Variants in PREX2 observed in about 807,000 individuals in gnomAD.
PREX2 encodes the protein phosphatidylinositol 3,4,5-trisphosphate-dependent Rac exchanger 2 protein.
PREX2 carries 107 observed loss-of-function variants against 203.2 expected under a neutral mutation model. That is an observed-to-expected ratio of 0.53 (90% confidence interval 0.45 to 0.62). The LOEUF is 0.62. Ranked by LOEUF, PREX2 falls within the 20% of genes least tolerant of loss-of-function variation. The pLI is 0.00. For synonymous variants in PREX2, 672 were observed against 663.6 expected, an observed-to-expected ratio of 1.01 and a Z score of -0.19; for missense variants, 1,777 against 1,955.9, an observed-to-expected ratio of 0.91 and a Z score of 1.72.
intron 31 of PREX2, among the ~76,000 whole-genome samples, chr8:68,130,487 C>T (rs1429988167): frequency 6.6e-6 from 1 of 152,180 alleles, no homozygotes; most frequent in Non-Finnish European, 1.5e-5. Context: ...TGAGCACCTA[C>T]TCAGTGCCAG....
chr8:68,083,069 A>C (rs1340891821), intron 17 of PREX2, among the ~76,000 whole-genome samples, 171 bp from the exon 18 acceptor site: 1 of 152,218 alleles, frequency 6.6e-6, no homozygotes, highest in African/African-American at 2.4e-5. Context: ...AAAGAGAATG[A>C]TAACTGTGTT....
intron 10 of PREX2, among the ~76,000 whole-genome samples, chr8:68,060,473 G>T (rs898906977): frequency 1.3e-5 from 2 of 152,214 alleles, no homozygotes; most frequent in African/African-American, 4.8e-5. Context: ...ATGTCAGAAT[G>T]TACAGACATG....
At chr8:67,967,263 A>C (rs1805803517) in intron 1 of PREX2, among the ~76,000 whole-genome samples, 1 of 152,182 alleles carries the variant, frequency 6.6e-6, no homozygotes, top group Non-Finnish European at 1.5e-5. Context: ...AAGTTAATAG[A>C]ACAGATTAGA....
Position 68,038,301 on chromosome 8 carries a change from C to T in PREX2, c.839+9C>T, listed in dbSNP as rs2129610724. The T allele has an allele frequency of 6.2e-7, 1 of 1,613,236 alleles. No homozygotes were observed. Among genetic ancestry groups the T allele is most frequent in the South Asian group, 1.1e-5 (1 of 91,018 alleles). On this transcript the variant is annotated intron_variant, in intron 7 of 39. Coordinates refer to ENST00000288368, the MANE Select transcript of PREX2 (RefSeq NM_024870.4). ...TGCAAAAGAAAACACAGGTAAGATCCTAAGCAGGACACACTTCAGAAGTGG... is the reference window on the plus strand; with the variant it reads ...TGCAAAAGAAAACACAGGTAAGATCTTAAGCAGGACACACTTCAGAAGTGG...
chr8:68,067,088 T>C (rs998342252), intron 11 of PREX2, among the ~76,000 whole-genome samples: 6 of 152,142 alleles, frequency 3.9e-5, no homozygotes, highest in African/African-American at 1.4e-4. Context: ...TCCATTGGTC[T>C]ATATGTCCAG....
intron 3 of PREX2, among the ~76,000 whole-genome samples, chr8:68,021,668 A>G (rs1299321271): frequency 4.6e-5 from 7 of 152,220 alleles, no homozygotes; most frequent in African/African-American, 7.2e-5. Flanking sequence ...TTTCTTCTAC[A>G]TACATTCCTT....
intron 3 of PREX2, 61 bp from the exon 4 acceptor site, chr8:68,021,975 A>G (rs1453279908): frequency 1.8e-5 from 15 of 818,246 alleles, no homozygotes; most frequent in Non-Finnish European, 2.6e-5. Context: ...AGCATATCAC[A>G]TAGGTTAAAA....
intron 1 of PREX2, among the ~76,000 whole-genome samples, chr8:67,969,897 A>G (rs1035705247): frequency 6.6e-6 from 1 of 152,206 alleles, no homozygotes; most frequent in Non-Finnish European, 1.5e-5. Flanking sequence ...TGCTACAAAC[A>G]AAAGGAAGAG....
intron 18 of PREX2, among the ~76,000 whole-genome samples, chr8:68,085,952 A>G (rs1809675108): frequency 6.6e-6 from 1 of 152,174 alleles, no homozygotes; most frequent in Admixed American, 6.6e-5. Flanking sequence ...CTCATTCGTA[A>G]TATATAGAAG....
chr8:68,125,761 TA>T (rs1000442608), intron 30 of PREX2, among the ~76,000 whole-genome samples: 1 of 152,114 alleles, frequency 6.6e-6, no homozygotes, highest in African/African-American at 2.4e-5. Flanking sequence ...CTAAATCTCA[TA>T]TTTTTTTTAG....
intron 34 of PREX2, among the ~76,000 whole-genome samples, chr8:68,156,831 T>C (rs1238207701): frequency 6.6e-6 from 1 of 152,180 alleles, no homozygotes; most frequent in Non-Finnish European, 1.5e-5. Flanking sequence ...CTCTTCCTAG[T>C]ACAGAGGGGG....
At chr8:68,009,205 A>G (rs1238798031) in intron 1 of PREX2, among the ~76,000 whole-genome samples, 1 of 152,128 alleles carries the variant, frequency 6.6e-6, no homozygotes, top group Non-Finnish European at 1.5e-5. Context: ...TTTCCTTTTC[A>G]TCGGAACTGC....
chr8:68,126,550 G>T (rs1298883789), intron 30 of PREX2, among the ~76,000 whole-genome samples: 1 of 151,998 alleles, frequency 6.6e-6, no homozygotes, highest in Non-Finnish European at 1.5e-5. Flanking sequence ...AAAATGTGGT[G>T]CCCTTTGAAG....
chr8:68,207,052 T>C (rs919340834), intron 37 of PREX2, among the ~76,000 whole-genome samples: 6 of 152,186 alleles, frequency 3.9e-5, no homozygotes, highest in Non-Finnish European at 7.3e-5. Flanking sequence ...TTCTTCTGGC[T>C]TAGGAAAATA....
intron 8 of PREX2, among the ~76,000 whole-genome samples, chr8:68,044,956 A>G (rs1464020791): frequency 6.6e-6 from 1 of 152,102 alleles, no homozygotes; most frequent in Non-Finnish European, 1.5e-5. Flanking sequence ...TGTTCCTATA[A>G]TATATTCACT....
intron 1 of PREX2, among the ~76,000 whole-genome samples, chr8:67,994,277 TAAG>T (rs1806700094): frequency 6.6e-6 from 1 of 152,168 alleles, no homozygotes; most frequent in Non-Finnish European, 1.5e-5. Flanking sequence ...AGCTAACGCT[TAAG>T]AAGAGACAGC....
chr8:68,099,893 G>A, intron 23 of PREX2, 50 bp downstream of exon 23: 1 of 1,436,134 alleles, frequency 7.0e-7, no homozygotes, highest in Non-Finnish European at 9.8e-7. Context: ...ATTATTATTT[G>A]AATGTCAAAT....
chr8:68,198,597 T>C (rs1812444273), intron 37 of PREX2, among the ~76,000 whole-genome samples: 1 of 152,206 alleles, frequency 6.6e-6, no homozygotes, highest in South Asian at 2.1e-4. Context: ...TATAAATCAG[T>C]ATACAGCAAA....
intron 34 of PREX2, among the ~76,000 whole-genome samples, chr8:68,148,082 A>G (rs1811363297): frequency 1.3e-5 from 2 of 152,150 alleles, no homozygotes; most frequent in Admixed American, 6.5e-5. Flanking sequence ...ACCTGTGTCT[A>G]CTAAAAATAC....
Sources: allele counts gnomAD v4.1 joint callset (sites outside exome capture counted in the v4.1 genomes callset), GRCh38; gene constraint gnomAD v4.1.1; transcripts MANE v1.5; gene names NCBI Gene and HGNC (gene_info 2026-07-23, HGNC 2026-07-21).